The following BABAM2 variants were observed in gnomAD, a reference collection of about 807,000 sequenced individuals.
The protein encoded by BABAM2 is BRISC and BRCA1-A complex member 2.
Under a neutral mutation model 54.7 loss-of-function variants are expected in BABAM2, and 31 were observed. That is an observed-to-expected ratio of 0.57 (90% CI 0.43 to 0.77). The LOEUF is 0.77. BABAM2 is among the 30% of genes least tolerant of loss of function. BABAM2 has a pLI of 0.00. For synonymous variants in BABAM2, 167 were observed against 162.9 expected (o/e 1.03, Z -0.19); for missense variants, 364 against 455.8 (o/e 0.80, Z 1.83).
chr2:28,018,216 G>A (rs952403888), intron 4 of BABAM2, among the ~76,000 whole-genome samples: 4 of 152,080 alleles, frequency 2.6e-5, no homozygotes, highest in Non-Finnish European at 1.5e-5. Flanking sequence ...ATACATTTGT[G>A]TCCTCGTAGC....
intron 11 of BABAM2, 111 bp downstream of exon 11, chr2:28,298,602 A>T: frequency 7.5e-7 from 1 of 1,336,672 alleles, no homozygotes; most frequent in Non-Finnish European, 1.0e-6. Context: ...ATGTTTTTGT[A>T]AATAAAGTTT....
At chr2:28,185,609 A>G (rs541616605) in intron 7 of BABAM2, among the ~76,000 whole-genome samples, 3 of 152,284 alleles carry the variant, frequency 2.0e-5, no homozygotes, top group African/African-American at 7.2e-5. Context: ...CCCCTTGGCC[A>G]GCGTCAGTGC....
intron 11 of BABAM2, among the ~76,000 whole-genome samples, chr2:28,320,573 G>A (rs1689946678): frequency 6.6e-6 from 1 of 152,220 alleles, no homozygotes; most frequent in Non-Finnish European, 1.5e-5. Context: ...ACTACTCCAC[G>A]TTGCCAGGCC....
intron 7 of BABAM2, among the ~76,000 whole-genome samples, chr2:28,165,146 C>A (rs576010195): frequency 6.6e-6 from 1 of 152,102 alleles, no homozygotes; most frequent in African/African-American, 2.4e-5. Context: ...CAGTGTACTG[C>A]GGGAGAAAGA....
chr2:27,942,149 A>C (rs1668936904), intron 3 of BABAM2, among the ~76,000 whole-genome samples: 1 of 152,144 alleles, frequency 6.6e-6, no homozygotes, highest in African/African-American at 2.4e-5. Context: ...CTCATTACTT[A>C]TGTAGCACAA....
At chr2:28,153,096 T>A (rs1672207135) in intron 7 of BABAM2, among the ~76,000 whole-genome samples, 1 of 151,850 alleles carries the variant, frequency 6.6e-6, no homozygotes, top group Non-Finnish European at 1.5e-5. Flanking sequence ...CATTAACACC[T>A]CATAGCATTT....
intron 3 of BABAM2, among the ~76,000 whole-genome samples, chr2:27,982,441 T>A (rs1672074805): frequency 6.6e-6 from 1 of 152,124 alleles, no homozygotes; most frequent in Non-Finnish European, 1.5e-5. Context: ...AAAGATTTAT[T>A]CTTATGTTTC....
chr2:28,016,483 G>T, intron 4 of BABAM2: 1 of 1,134,244 alleles, frequency 8.8e-7, no homozygotes, highest in Non-Finnish European at 1.3e-6. Flanking sequence ...ACTTGCCCAT[G>T]GTGCTGGGCT....
At chr2:27,994,896 G>T (rs1020778809) in intron 4 of BABAM2, among the ~76,000 whole-genome samples, 2 of 152,086 alleles carry the variant, frequency 1.3e-5, no homozygotes, top group Admixed American at 1.3e-4. Flanking sequence ...TATCAGTTAG[G>T]GTCCAGTCAG....
intron 6 of BABAM2, among the ~76,000 whole-genome samples, chr2:28,090,305 C>A (rs930446140): frequency 2.0e-5 from 3 of 152,104 alleles, no homozygotes; most frequent in African/African-American, 7.2e-5. Flanking sequence ...AGTGCAGTGG[C>A]GTGATCTTGG....
At chr2:27,915,425 T>C (rs1191697670) in intron 2 of BABAM2, among the ~76,000 whole-genome samples, 1 of 152,194 alleles carries the variant, frequency 6.6e-6, no homozygotes, top group Non-Finnish European at 1.5e-5. Flanking sequence ...ATGACTGTTA[T>C]CCTTATTTTA....
chr2:28,147,839 T>G (rs1037577190), intron 7 of BABAM2, among the ~76,000 whole-genome samples: 1 of 152,162 alleles, frequency 6.6e-6, no homozygotes, highest in African/African-American at 2.4e-5. Context: ...TCATTTTGTT[T>G]TGTGATATGG....
intron 2 of BABAM2, among the ~76,000 whole-genome samples, chr2:27,919,647 A>G (rs1269615922): frequency 6.6e-6 from 1 of 152,210 alleles, no homozygotes; most frequent in African/African-American, 2.4e-5. Flanking sequence ...TTAAATGCAC[A>G]TATTAGAAAA....
intron 6 of BABAM2, among the ~76,000 whole-genome samples, chr2:28,113,078 G>A (rs1668277392): frequency 6.6e-6 from 1 of 152,180 alleles, no homozygotes; most frequent in Non-Finnish European, 1.5e-5. Context: ...ATTTGTTTGA[G>A]TTCCTTGTAG....
intron 3 of BABAM2, among the ~76,000 whole-genome samples, chr2:27,952,268 G>A (rs1262793105): frequency 6.6e-6 from 1 of 152,170 alleles, no homozygotes; most frequent in African/African-American, 2.4e-5. Context: ...CCTGTCAATT[G>A]GGATGTTTAG....
At chr2:28,020,828 A>G (rs909121124) in intron 4 of BABAM2, among the ~76,000 whole-genome samples, 1 of 152,028 alleles carries the variant, frequency 6.6e-6, no homozygotes, top group Non-Finnish European at 1.5e-5. Context: ...AAATGACTCT[A>G]TGTGTATTTC....
chr2:28,152,177 T>G (rs1352488347), intron 7 of BABAM2, among the ~76,000 whole-genome samples: 2 of 152,222 alleles, frequency 1.3e-5, no homozygotes, highest in Non-Finnish European at 2.9e-5. Flanking sequence ...GCAATCCATT[T>G]CTTCAAGATT....
intron 7 of BABAM2, among the ~76,000 whole-genome samples, chr2:28,181,052 G>T (rs1675571509): frequency 6.6e-6 from 1 of 152,154 alleles, no homozygotes; most frequent in Non-Finnish European, 1.5e-5. Flanking sequence ...ACAGTATGGA[G>T]GTTTCTTGCA....
chr2:28,227,756 A>G (rs1301070514), intron 7 of BABAM2, among the ~76,000 whole-genome samples: 1 of 152,150 alleles, frequency 6.6e-6, no homozygotes, highest in Non-Finnish European at 1.5e-5. Context: ...CATGAGGTCT[A>G]GAGCAGTATT....
Sources: gnomAD v4.1 joint callset for allele counts (sites outside exome capture counted in the v4.1 genomes callset) on GRCh38, gnomAD v4.1.1 for gene constraint, MANE v1.5 for transcripts, NCBI Gene and HGNC (gene_info 2026-07-23, HGNC 2026-07-21) for gene names.